COL27A1: variants seen among roughly 807,000 people sequenced by gnomAD.
COL27A1 encodes collagen type XXVII alpha 1 chain.
COL27A1 carries 106 observed loss-of-function variants against 251.3 expected under a neutral mutation model. The observed-to-expected ratio is 0.42, with a 90% CI of 0.36 to 0.50. The LOEUF is 0.50. Ranked by LOEUF, COL27A1 falls within the 20% of genes least tolerant of loss-of-function variation. COL27A1 has a pLI of 0.00. For synonymous variants in COL27A1, 1,000 were observed against 986.3 expected (o/e 1.01, Z -0.26); for missense variants, 2,325 against 2,522.8 (o/e 0.92, Z 1.68).
chr9:114,276,552 C>T (rs961817269), intron 37 of COL27A1, among the ~76,000 whole-genome samples: 1 of 152,218 alleles, frequency 6.6e-6, no homozygotes, highest in Non-Finnish European at 1.5e-5. Flanking sequence ...TTGCAATGAG[C>T]TGAGATTGCG....
Position 114,243,543 on chromosome 9 carries a change from G to A in COL27A1, c.2917G>A (p.Gly973Ser), listed in dbSNP as rs759286774. 42 of 1,613,614 alleles carry A rather than the reference G, an allele frequency of 2.6e-5. No individual in the cohort carries two copies. Among genetic ancestry groups the A allele is most frequent in the Middle Eastern group, 1.6e-4 (1 of 6,084 alleles). Residue 973 changes from glycine to serine, a missense_variant, in exon 23 of 61, where the codon GGC becomes AGC. Transcript: ENST00000356083. ...PGRKGFPGRPGLDGVKGEPGD... is the reference protein window; with the variant it reads ...PGRKGFPGRPSLDGVKGEPGD... Reference sequence around the variant, plus strand: ...CAGGAAGGGGTTTCCTGGGAGGCCCGGCCTGGATGGCGTGAAGGTGAGGGG... The same window carrying A: ...CAGGAAGGGGTTTCCTGGGAGGCCCAGCCTGGATGGCGTGAAGGTGAGGGG...
chr9:114,208,556 C>G (rs1564470178), intron 10 of COL27A1, among the ~76,000 whole-genome samples: 1 of 152,126 alleles, frequency 6.6e-6, no homozygotes, highest in Admixed American at 6.5e-5. Flanking sequence ...GCAGGCCTGG[C>G]CTATCATTCG....
chr9:114,301,503 G>A lies in COL27A1; in HGVS notation c.4809+41G>A, dbSNP rs542821608. Reference sequence around the variant, plus strand: ...ATGAGGGCTGTGGGGCGGGGCGTGGGGCGGGCACCCTGCATTCTCCTCCCG... The same window carrying A: ...ATGAGGGCTGTGGGGCGGGGCGTGGAGCGGGCACCCTGCATTCTCCTCCCG... On this transcript the variant is annotated intron_variant, in intron 54 of 60. Coordinates refer to ENST00000356083, the MANE Select transcript of COL27A1 (RefSeq NM_032888.4). The A allele has an allele frequency of 1.4e-5, 23 of 1,593,444 alleles. No homozygotes were observed. The African/African-American group carries it at 2.3e-4, about 16-fold the overall frequency.
chr9:114,309,271 C>T lies in COL27A1; in HGVS notation c.5229C>T (p.Ala1743=). Residue 1743 remains alanine, a synonymous_variant, in exon 60 of 61, where the codon GCC becomes GCT. Transcript: ENST00000356083. The part of the protein sequence containing the change: ...KPITASKVEF[A]ISRVQMNFLH... ...TTGCTTCTCTATAGGTCGAGTTTGC[C>T]ATCAGCCGGGTCCAGATGAATTTCC... 6.2e-7 allele frequency: 1 copy of T among 1,614,132 alleles called. No homozygotes were observed. Among genetic ancestry groups the T allele is most frequent in the Non-Finnish European group, 8.5e-7 (1 of 1,180,010 alleles).
chr9:114,177,049 C>T (rs1196049734), intron 3 of COL27A1, among the ~76,000 whole-genome samples: 2 of 152,202 alleles, frequency 1.3e-5, no homozygotes, highest in African/African-American at 4.8e-5. Context: ...GCCTGGCTTC[C>T]TTCAAAGGCT....
chr9:114,243,132 C>G (rs1007524957), intron 22 of COL27A1, among the ~76,000 whole-genome samples: 5 of 152,192 alleles, frequency 3.3e-5, no homozygotes, highest in African/African-American at 9.7e-5. Context: ...CTGAAAGGGC[C>G]TCCGGGACCC....
chr9:114,200,497 A>G (rs1588644476), intron 7 of COL27A1, among the ~76,000 whole-genome samples: 2 of 152,368 alleles, frequency 1.3e-5, no homozygotes, highest in Non-Finnish European at 2.9e-5. Flanking sequence ...CATTTGTTTG[A>G]TGAATGAATA....
rs188443685 is a variant in COL27A1 at position 114,217,896 on chromosome 9, T to C, written c.2368-1895T>C. 1.1e-4 allele frequency: 50 copies of C among 459,264 alleles called. 2 individuals carry two copies. Among genetic ancestry groups the C allele is most frequent in the African/African-American group, 8.4e-4 (42 of 49,922 alleles). The allele number at this position is 459,264 out of a possible 1,614,324, so 28.4% of individuals were successfully genotyped here. On this transcript the variant is annotated intron_variant, in intron 12 of 60. Transcript: ENST00000356083. ...TGGGAGGCCAAGGCAGGCAGATCGC[T>C]TGAGCCCAGGAGTTCGAGACCAGCT...
intron 50 of COL27A1, 24 bp from the exon 51 acceptor site, chr9:114,300,601 C>A (rs760990174): frequency 1.3e-6 from 2 of 1,534,476 alleles, no homozygotes; most frequent in South Asian, 2.5e-5. Context: ...CAAGTACAGA[C>A]AGCCCTTTCT....
intron 1 of COL27A1, 73 bp downstream of exon 1, chr9:114,156,085 C>T (rs1193875294): frequency 6.2e-6 from 8 of 1,290,042 alleles, no homozygotes; most frequent in Non-Finnish European, 7.9e-6. Context: ...CGGGGTTCCC[C>T]GCCATGCGGT....
intron 57 of COL27A1, among the ~76,000 whole-genome samples, chr9:114,305,133 T>G (rs1828941706): frequency 6.6e-6 from 1 of 152,222 alleles, no homozygotes; most frequent in South Asian, 2.1e-4. Context: ...TCCCATGTCC[T>G]CTAGTCCAGC....
At chr9:114,282,692 T>C in intron 39 of COL27A1, 128 bp downstream of exon 39, 1 of 617,380 alleles carries the variant, frequency 1.6e-6, no homozygotes, top group South Asian at 2.3e-5. Flanking sequence ...CACCTGGTGC[T>C]CATTGCCCCA....
chr9:114,237,275 C>G (rs1350459287), intron 18 of COL27A1, among the ~76,000 whole-genome samples: 1 of 152,236 alleles, frequency 6.6e-6, no homozygotes, highest in Non-Finnish European at 1.5e-5. Context: ...TGATGAGGAT[C>G]TGGGGTTCCT....
intron 40 of COL27A1, 37 bp from the exon 41 acceptor site, chr9:114,284,687 C>T (rs370902509): frequency 8.7e-6 from 14 of 1,609,668 alleles, no homozygotes; most frequent in Non-Finnish European, 1.1e-5. Context: ...CTTCCTGAGT[C>T]CTCATTCTCA....
At position 114,307,750 on chromosome 9, in the gene COL27A1, C is replaced by T. The variant is rs769674237; in HGVS notation, c.5189C>T (p.Thr1730Met). The T allele has an allele frequency of 6.8e-6, 11 of 1,613,922 alleles. No homozygotes were observed. Among genetic ancestry groups the T allele is most frequent in the Admixed American group, 1.7e-5 (1 of 60,002 alleles). Residue 1730 changes from threonine (T) to methionine (M), a missense_variant, in exon 59 of 61, where the codon ACG becomes ATG. Around this residue, in one of 4 missense-constraint regions of COL27A1, gnomAD observed 327 missense variants for 442.8 expected, o/e 0.74. Transcript: ENST00000356083. ...VSCNFTHGGQTCLKPITASKV... is the reference protein window; with the variant it reads ...VSCNFTHGGQMCLKPITASKV... Reference sequence around the variant, plus strand: ...TGCAACTTCACTCATGGTGGACAGACGTGTCTCAAGCCCATCACGGCCTCC... The same window carrying T: ...TGCAACTTCACTCATGGTGGACAGATGTGTCTCAAGCCCATCACGGCCTCC...
At position 114,235,634 on chromosome 9, in the gene COL27A1, C is replaced by T. The variant is rs760432031; in HGVS notation, c.2601C>T (p.Pro867=). The change falls in exon 17 of 61, where the codon CCC becomes CCT. Residue 867 remains proline, a synonymous_variant. Coordinates refer to ENST00000356083, the MANE Select transcript of COL27A1 (RefSeq NM_032888.4). ...GGGTTCCAGGTGTGTCAGGAGATCCCGGATTCCAAGGAGACAAGGTAATTG... is the reference window on the plus strand; with the variant it reads ...GGGTTCCAGGTGTGTCAGGAGATCCTGGATTCCAAGGAGACAAGGTAATTG... ...EQGVPGVSGD[P]GFQGDKGSQG... 21 of 1,613,454 alleles carry T rather than the reference C, an allele frequency of 1.3e-5. No homozygotes were observed. Among genetic ancestry groups the T allele is most frequent in the African/African-American group, 4.0e-5 (3 of 74,854 alleles).
chr9:114,291,626 G>A (rs1467493416), intron 48 of COL27A1, among the ~76,000 whole-genome samples: 1 of 152,206 alleles, frequency 6.6e-6, no homozygotes, highest in African/African-American at 2.4e-5. Flanking sequence ...GCAGGCACCT[G>A]TAGTCCCAGC....
intron 32 of COL27A1, among the ~76,000 whole-genome samples, chr9:114,266,165 G>A (rs1297663880): frequency 6.6e-6 from 1 of 152,168 alleles, no homozygotes; most frequent in Non-Finnish European, 1.5e-5. Flanking sequence ...CAAGGCCGCT[G>A]CTGCATTCCC....
At chr9:114,295,014 G>A (rs1251453820) in intron 49 of COL27A1, among the ~76,000 whole-genome samples, 1 of 152,196 alleles carries the variant, frequency 6.6e-6, no homozygotes, top group African/African-American at 2.4e-5. Context: ...ATGCACAAAT[G>A]AATTGTGATT....
Sources: gnomAD v4.1 joint callset for allele counts (sites outside exome capture counted in the v4.1 genomes callset) on GRCh38, gnomAD v4.1.1 for gene constraint, gnomAD v4.1.1 regional missense constraint, MANE v1.5 for transcripts, NCBI Gene and HGNC (gene_info 2026-07-23, HGNC 2026-07-21) for gene names.